The following VPS8 variants were observed in gnomAD, a reference collection of about 807,000 sequenced individuals.
VPS8 encodes the protein vacuolar protein sorting-associated protein 8 homolog.
In VPS8, 129 loss-of-function variants were observed where a neutral mutation model predicts 216.4. The observed-to-expected ratio is 0.60, with a 90% CI of 0.52 to 0.69. The LOEUF (loss-of-function observed/expected upper bound fraction) is 0.69. Among genes scored for constraint, VPS8 ranks in the 30% least tolerant of loss-of-function variants. The pLI, the probability that VPS8 is intolerant of heterozygous loss-of-function variation, is 0.00. For missense variants in VPS8, 1,531 were observed against 1,683.5 expected, an observed-to-expected ratio of 0.91 and a Z score of 1.59; for synonymous variants, 571 against 565.4, an observed-to-expected ratio of 1.01 and a Z score of -0.14.
At chr3:184,823,496 C>G (rs1718066230) in intron 1 of VPS8, among the ~76,000 whole-genome samples, 1 of 152,234 alleles carries the variant, frequency 6.6e-6, no homozygotes, top group East Asian at 1.9e-4. Context: ...TTTATACACG[C>G]TAAAGGCAGT....
chr3:184,897,090 A>G (rs1265800770), intron 23 of VPS8, among the ~76,000 whole-genome samples: 2 of 152,230 alleles, frequency 1.3e-5, no homozygotes, highest in African/African-American at 4.8e-5. Flanking sequence ...AGATCTTTCC[A>G]TTTTATTCTA....
chr3:184,994,783 T>A (rs1752397969), intron 43 of VPS8, among the ~76,000 whole-genome samples: 2 of 152,256 alleles, frequency 1.3e-5, no homozygotes, highest in African/African-American at 2.4e-5. Context: ...TGTATTAGTT[T>A]GTTTTTATGC....
At chr3:184,952,023 T>A (rs569767419) in intron 36 of VPS8, among the ~76,000 whole-genome samples, 1 of 152,336 alleles carries the variant, frequency 6.6e-6, no homozygotes, top group East Asian at 1.9e-4. Context: ...TAAGTACTGT[T>A]ATTCATACTT....
At chr3:185,030,095 A>G (rs1757907477) in intron 46 of VPS8, among the ~76,000 whole-genome samples, 1 of 152,194 alleles carries the variant, frequency 6.6e-6, no homozygotes, top group Admixed American at 6.5e-5. Context: ...ATCAGGAGTC[A>G]TTGCCTTCAG....
At chr3:184,930,430 G>A (rs1740467652) in intron 33 of VPS8, 40 bp from the exon 34 acceptor site, 1 of 1,468,660 alleles carries the variant, frequency 6.8e-7, no homozygotes, top group Non-Finnish European at 9.5e-7. Flanking sequence ...TAAATCTTGA[G>A]TGAGTGAATG....
intron 45 of VPS8, among the ~76,000 whole-genome samples, chr3:185,020,497 G>T (rs934493707): frequency 1.3e-5 from 2 of 148,756 alleles, no homozygotes; most frequent in Non-Finnish European, 1.5e-5. Flanking sequence ...ATTTAAAAAG[G>T]CCTCACTCTG....
At position 184,847,203 on chromosome 3, in the gene VPS8, T is replaced by C. The variant is rs561991620; in HGVS notation, c.542-1868T>C. On this transcript the variant is annotated intron_variant, in intron 8 of 47. Transcript: ENST00000625842. The stretch of plus-strand genomic sequence containing the variant: ...AAAATAGAGTATTTTCTATGTGCTA[T>C]GTAGTTATACTCATTGTTTCAGAAC... 4.6e-5 allele frequency among the ~76,000 whole-genome samples: 7 copies of C among 152,326 alleles called. No homozygotes were observed. In the South Asian group the frequency reaches 1.4e-3, roughly 32 times the overall value.
At chr3:185,008,485 A>G (rs1754558661) in intron 45 of VPS8, among the ~76,000 whole-genome samples, 1 of 152,238 alleles carries the variant, frequency 6.6e-6, no homozygotes, top group Non-Finnish European at 1.5e-5. Flanking sequence ...TATATCAAAT[A>G]TATAGCTTCA....
At chr3:185,017,913 C>T (rs1296359241) in intron 45 of VPS8, among the ~76,000 whole-genome samples, 1 of 150,468 alleles carries the variant, frequency 6.6e-6, no homozygotes. Flanking sequence ...CCAGTGTTTT[C>T]CTTTTTTACA....
At chr3:184,997,086 C>G (rs1752714623) in intron 44 of VPS8, among the ~76,000 whole-genome samples, 1 of 152,130 alleles carries the variant, frequency 6.6e-6, no homozygotes, top group South Asian at 2.1e-4. Flanking sequence ...AGTCAGAAAT[C>G]TGGAGATGTG....
chr3:184,997,240 C>T (rs1367915411), intron 44 of VPS8, among the ~76,000 whole-genome samples: 1 of 152,176 alleles, frequency 6.6e-6, no homozygotes, highest in Non-Finnish European at 1.5e-5. Context: ...ATAGAGGTAA[C>T]ATGATATGGC....
At chr3:184,845,750 C>T (rs745752720) in intron 8 of VPS8, among the ~76,000 whole-genome samples, 15 of 126,286 alleles carry the variant, frequency 1.2e-4, no homozygotes, top group South Asian at 2.8e-4. Flanking sequence ...AGCGAAACTC[C>T]GTCTCAAAAA....
chr3:184,872,570 T>C (rs1451942268), intron 21 of VPS8, among the ~76,000 whole-genome samples: 1 of 152,048 alleles, frequency 6.6e-6, no homozygotes, highest in East Asian at 1.9e-4. Flanking sequence ...GGTAAGAGTA[T>C]CTGATAAAAT....
At chr3:184,867,512 CCTT>C (rs1379598377) in intron 17 of VPS8, among the ~76,000 whole-genome samples, 1 of 152,140 alleles carries the variant, frequency 6.6e-6, no homozygotes, top group Non-Finnish European at 1.5e-5. Context: ...GGAATTAACT[CCTT>C]CTTGGACTGT....
In VPS8 at chr3:185,030,664, G is replaced by A. The variant is rs73885643; in HGVS notation, c.4056+6275G>A. Among the ~76,000 whole-genome samples the A allele has an allele frequency of 7.3e-3, 1,106 of 152,328 alleles. 6 individuals are homozygous for A. Among genetic ancestry groups the A allele is most frequent in the African/African-American group, 0.025 (1,028 of 41,578 alleles). ...GTTCCTTCTCTCAGCACATTTACAT[G>A]TTAATGGTGACTGAACTGGTGGATA... On this transcript the variant is annotated intron_variant, in intron 46 of 47. Coordinates refer to ENST00000625842, the MANE Select transcript of VPS8 (RefSeq NM_001009921.3).
intron 45 of VPS8, among the ~76,000 whole-genome samples, chr3:185,009,618 T>C (rs1031467580): frequency 6.6e-6 from 1 of 151,916 alleles, no homozygotes; most frequent in Admixed American, 6.6e-5. Flanking sequence ...TTGCGGGGGG[T>C]AGGGAAGGGG....
Position 185,029,567 on chromosome 3 carries a change from CT to C in VPS8, c.4056+5193del, listed in dbSNP as rs767940348. Among the ~76,000 whole-genome samples the C allele has an allele frequency of 9.9e-3, 1,421 of 143,806 alleles. 34 individuals carry two copies. The highest frequency in any genetic ancestry group is 0.071 in the East Asian group (352 of 4,952). 94.3% of individuals were successfully genotyped at this position (143,806 alleles called of 152,430 possible). On this transcript the variant is annotated intron_variant, in intron 46 of 47. Coordinates refer to ENST00000625842, the MANE Select transcript of VPS8 (RefSeq NM_001009921.3). ...GTGCATCACATTCCACAACATGTAT[CT>C]TTTTTTTTTTTTTTGAGACGGAGTC...
chr3:184,953,690 T>C (rs1201218558), intron 36 of VPS8, among the ~76,000 whole-genome samples: 1 of 152,226 alleles, frequency 6.6e-6, no homozygotes, highest in African/African-American at 2.4e-5. Context: ...ATCAAACATC[T>C]TGTGGCTCTA....
chr3:184,885,240 C>T (rs1233375700), intron 21 of VPS8, among the ~76,000 whole-genome samples: 2 of 152,160 alleles, frequency 1.3e-5, no homozygotes, highest in Non-Finnish European at 2.9e-5. Context: ...CCTTCTCCCT[C>T]CTGATGAGAT....
Sources: gnomAD v4.1 joint callset for allele counts (sites outside exome capture counted in the v4.1 genomes callset) on GRCh38, gnomAD v4.1.1 for gene constraint, MANE v1.5 for transcripts, NCBI Gene and HGNC (gene_info 2026-07-23, HGNC 2026-07-21) for gene names.